The following PCDH7 variants were observed in gnomAD, a reference collection of about 807,000 sequenced individuals.
The protein encoded by PCDH7 is protocadherin 7, also known as protocadherin-7.
A neutral mutation model predicts 58.9 loss-of-function variants in PCDH7; 17 were observed. The ratio of observed to expected loss-of-function variants is 0.29; its 90% CI spans 0.20 to 0.43. The LOEUF (loss-of-function observed/expected upper bound fraction) is 0.43, where lower values mean the gene tolerates loss of function less well. Ranked by LOEUF, PCDH7 falls within the 20% of genes least tolerant of loss-of-function variation. PCDH7 has a pLI of 1.00. For missense variants in PCDH7, 1,274 were observed against 1,441.0 expected, an observed-to-expected ratio of 0.88 and a Z score of 1.88; for synonymous variants, 664 against 616.4, an observed-to-expected ratio of 1.08 and a Z score of -1.14.
At chr4:31,087,151 T>A (rs1411187594) in intron 3 of PCDH7, among the ~76,000 whole-genome samples, 1 of 152,144 alleles carries the variant, frequency 6.6e-6, no homozygotes, top group African/African-American at 2.4e-5. Context: ...ATGGTGGTAG[T>A]AAATAAACAT....
intron 2 of PCDH7, among the ~76,000 whole-genome samples, chr4:30,934,647 TTAAA>T (rs1003328878): frequency 3.9e-5 from 6 of 152,144 alleles, no homozygotes; most frequent in African/African-American, 1.4e-4. Flanking sequence ...CTTTTGGAGA[TTAAA>T]TAATTCAGTT....
chr4:30,912,262 C>T (rs1010207389), intron 1 of PCDH7, among the ~76,000 whole-genome samples: 11 of 152,160 alleles, frequency 7.2e-5, no homozygotes, highest in African/African-American at 2.4e-4. Context: ...TATAGTCCAA[C>T]TAATGCACTA....
chr4:30,753,803 C>T (rs920264679), intron 1 of PCDH7, among the ~76,000 whole-genome samples: 1 of 151,748 alleles, frequency 6.6e-6, no homozygotes, highest in Admixed American at 6.6e-5. Flanking sequence ...TTAAGAATTC[C>T]TCCCAAAAAA....
At chr4:30,879,993 C>G (rs1736760777) in intron 1 of PCDH7, among the ~76,000 whole-genome samples, 1 of 152,002 alleles carries the variant, frequency 6.6e-6, no homozygotes, top group Non-Finnish European at 1.5e-5. Context: ...TCCCTAAACC[C>G]CACTCATAGT....
chr4:30,734,220 T>G (rs745313783), downstream of PCDH7, among the ~76,000 whole-genome samples: 4 of 151,150 alleles, frequency 2.6e-5, no homozygotes, highest in Non-Finnish European at 5.9e-5. Context: ...TTTTAGAAAA[T>G]GTATTAATTT....
At position 30,723,274 on chromosome 4, in the gene PCDH7, G is replaced by C. The variant is rs377171061; in HGVS notation, c.1852G>C (p.Val618Leu). The change falls in exon 1 of 2, where the codon GTG becomes CTG. Residue 618 changes from valine to leucine, a missense_variant. Physicochemically the swap from Val to Leu is conservative, Grantham distance 32 (BLOSUM62 1). Transcript: ENST00000361762. This position sits in a 1 kb window ranked among gnomAD's most constrained non-coding sequence, Gnocchi z 4.6. The stretch of plus-strand genomic sequence containing the variant: ...TAACGCCAAAGACAAAGGCATCCCC[G>C]TGCTGCAGGGCAGCACTACGGTGAT... 6.2e-7 allele frequency: 1 copy of C among 1,614,204 alleles called. No homozygotes were observed. The highest frequency in any genetic ancestry group is 1.1e-5 in the South Asian group (1 of 91,084).
At chr4:30,786,984 T>G (rs919338108) in intron 1 of PCDH7, among the ~76,000 whole-genome samples, 1 of 152,030 alleles carries the variant, frequency 6.6e-6, no homozygotes, top group African/African-American at 2.4e-5. Context: ...CAAACTGTGC[T>G]TTTTAAACAA....
intron 1 of PCDH7, among the ~76,000 whole-genome samples, chr4:30,742,905 A>T (rs1320012996): frequency 6.6e-6 from 1 of 152,228 alleles, no homozygotes; most frequent in African/African-American, 2.4e-5. Context: ...AATCCTGGCT[A>T]GGACGCAGAT....
chr4:31,046,738 A>G (rs1156975984), intron 3 of PCDH7, among the ~76,000 whole-genome samples: 1 of 152,066 alleles, frequency 6.6e-6, no homozygotes. Flanking sequence ...CCAAAGCATA[A>G]CAAAGTAAAC....
intron 2 of PCDH7, among the ~76,000 whole-genome samples, chr4:30,947,672 T>A (rs955447879): frequency 1.3e-5 from 2 of 152,172 alleles, no homozygotes; most frequent in Non-Finnish European, 2.9e-5. Flanking sequence ...ATGTCCATCA[T>A]CTCAAACATT....
At chr4:31,074,707 C>G (rs1042734172) in intron 3 of PCDH7, among the ~76,000 whole-genome samples, 1 of 137,498 alleles carries the variant, frequency 7.3e-6, no homozygotes, top group Non-Finnish European at 1.5e-5. Flanking sequence ...TTGCTTGAAC[C>G]TGGGGAGGTG....
At chr4:31,065,830 T>C (rs1758037035) in intron 3 of PCDH7, among the ~76,000 whole-genome samples, 1 of 151,936 alleles carries the variant, frequency 6.6e-6, no homozygotes, top group Admixed American at 6.6e-5. Flanking sequence ...CTTGTGTCTC[T>C]GGAATCTTTT....
At chr4:30,937,480 T>G (rs1560517094) in intron 2 of PCDH7, among the ~76,000 whole-genome samples, 1 of 152,154 alleles carries the variant, frequency 6.6e-6, no homozygotes, top group Non-Finnish European at 1.5e-5. Flanking sequence ...AGGGAATATT[T>G]ATTTTAATTA....
intron 3 of PCDH7, among the ~76,000 whole-genome samples, chr4:31,130,481 G>A (rs2109335688): frequency 6.6e-6 from 1 of 152,296 alleles, no homozygotes; most frequent in East Asian, 1.9e-4. Context: ...CACAAATGCA[G>A]CAAGTCTATA....
At chr4:31,019,368 G>A (rs994747382) in intron 3 of PCDH7, among the ~76,000 whole-genome samples, 1 of 151,980 alleles carries the variant, frequency 6.6e-6, no homozygotes, top group Admixed American at 6.6e-5. Flanking sequence ...CTTGCATGAG[G>A]CCACATGTCT....
downstream of PCDH7, among the ~76,000 whole-genome samples, chr4:30,737,605 C>A (rs1433441177): frequency 1.3e-5 from 2 of 152,108 alleles, no homozygotes; most frequent in Non-Finnish European, 2.9e-5. Context: ...AGCTTCTTAT[C>A]CTAGTCACTG....
chr4:30,971,733 T>TA (rs1749606382), intron 3 of PCDH7, among the ~76,000 whole-genome samples: 1 of 151,976 alleles, frequency 6.6e-6, no homozygotes, highest in African/African-American at 2.4e-5. Context: ...AGCACACCAT[T>TA]AAAAAATCAT....
chr4:31,056,650 AAGAG>A (rs1359229874), intron 3 of PCDH7, among the ~76,000 whole-genome samples: 1 of 144,848 alleles, frequency 6.9e-6, no homozygotes, highest in African/African-American at 2.5e-5. Context: ...GAGAGAGAGA[AAGAG>A]AGAGAGGAGA....
chr4:30,944,357 T>G (rs1375408603), intron 2 of PCDH7, among the ~76,000 whole-genome samples: 1 of 152,118 alleles, frequency 6.6e-6, no homozygotes, highest in East Asian at 1.9e-4. Context: ...ATGAATTTAT[T>G]GTGACTATTT....
Sources: allele counts gnomAD v4.1 joint callset (sites outside exome capture counted in the v4.1 genomes callset), GRCh38; gene constraint gnomAD v4.1.1; non-coding constraint Gnocchi (gnomAD v3.1); transcripts MANE v1.5; gene names NCBI Gene and HGNC (gene_info 2026-07-23, HGNC 2026-07-21).